MUC7: variants seen among roughly 807,000 people sequenced by gnomAD.
MUC7 encodes the protein mucin 7, secreted.
Under a neutral mutation model 2.5 loss-of-function variants are expected in MUC7, and 2 were observed. That is an observed-to-expected ratio of 0.81 (90% CI 0.33 to 2.55). The LOEUF is 2.55. MUC7 is among the 30% of genes most tolerant of loss of function. The pLI is 0.11. For synonymous variants in MUC7, 133 were observed against 173.4 expected (o/e 0.77, Z 1.83); for missense variants, 408 against 455.6 (o/e 0.90, Z 0.95).
chr4:70,482,858 A>G lies in MUC7; in HGVS notation c.*980A>G, dbSNP rs1735239738. 1 of 152,252 alleles carries G rather than the reference A, an allele frequency of 6.6e-6. No homozygotes were observed. Among genetic ancestry groups the G allele is most frequent in the African/African-American group, 2.4e-5 (1 of 41,464 alleles). The allele number at this position is 152,252 out of a possible 1,614,324, so 9.4% of individuals were successfully genotyped here. A position where few individuals can be genotyped will look rare whatever the true frequency, so the allele number is the denominator to read the frequency against. Reference sequence around the variant, plus strand: ...AAAACCCTGACTTTAGTTGTAAAACAATAAAAGTTAGCTACTTGGTATACG... The same window carrying G: ...AAAACCCTGACTTTAGTTGTAAAACGATAAAAGTTAGCTACTTGGTATACG... On this transcript the variant is annotated 3_prime_UTR_variant, in exon 3 of 3. Transcript: ENST00000304887.
chr4:70,467,879 A>C (rs1734720400), upstream of MUC7, among the ~76,000 whole-genome samples: 1 of 152,188 alleles, frequency 6.6e-6, no homozygotes, highest in Admixed American at 6.5e-5. Flanking sequence ...CAAACAATAG[A>C]AAAAAAGGGA....
chr4:70,434,425 A>T (rs573117858), intron 1 of MUC7, among the ~76,000 whole-genome samples: 12 of 152,264 alleles, frequency 7.9e-5, no homozygotes, highest in African/African-American at 2.9e-4. Context: ...CAGAGATTCA[A>T]CTTCTTCCTA....
At chr4:70,433,057 T>A (rs190962590) in intron 1 of MUC7, among the ~76,000 whole-genome samples, 1 of 152,320 alleles carries the variant, frequency 6.6e-6, no homozygotes, top group African/African-American at 2.4e-5. Context: ...TGGTATTATT[T>A]CTGAAGGCTC....
Position 70,480,947 on chromosome 4 carries a change from A to G in MUC7, c.203A>G (p.Lys68Arg), listed in dbSNP as rs748567183. Reference sequence around the variant, plus strand: ...AGAAAGTCCTATAAATGTCTGCACAAACGCTGTAGGCCTAAGCTTCCACCT... The same window carrying G: ...AGAAAGTCCTATAAATGTCTGCACAGACGCTGTAGGCCTAAGCTTCCACCT... ...FIRKSYKCLHKRCRPKLPPSP... is the reference protein window; with the variant it reads ...FIRKSYKCLHRRCRPKLPPSP... The change falls in exon 3 of 3, where the codon AAA becomes AGA. Residue 68 changes from lysine to arginine, a missense_variant. By Grantham distance (26) the Lys-to-Arg change is conservative. Transcript: ENST00000304887. 1.2e-6 allele frequency: 2 copies of G among 1,614,090 alleles called. No individual in the cohort carries two copies. Among genetic ancestry groups the G allele is most frequent in the Non-Finnish European group, 1.7e-6 (2 of 1,180,010 alleles).
intron 1 of MUC7, among the ~76,000 whole-genome samples, chr4:70,461,128 C>A (rs74489589): frequency 6.6e-6 from 1 of 152,312 alleles, no homozygotes; most frequent in East Asian, 1.9e-4. Context: ...CTTCTTTCTC[C>A]GTCTGCACCT....
chr4:70,440,376 A>G (rs946316021), intron 1 of MUC7, among the ~76,000 whole-genome samples: 5 of 152,172 alleles, frequency 3.3e-5, no homozygotes, highest in African/African-American at 1.2e-4. Context: ...CTCATTATCA[A>G]TGCTCAACTT....
At chr4:70,466,029 A>G (rs994833408) in intron 1 of MUC7, among the ~76,000 whole-genome samples, 1 of 152,246 alleles carries the variant, frequency 6.6e-6, no homozygotes, top group Non-Finnish European at 1.5e-5. Context: ...AGGGAAGCCC[A>G]TCAAACTAAC....
In MUC7 at chr4:70,480,823, C is replaced by T. The variant is rs1293554534; in HGVS notation, c.79C>T (p.His27Tyr). The change falls in exon 3 of 3, where the codon CAT becomes TAT. Residue 27 changes from histidine to tyrosine, a missense_variant. By Grantham distance (83) the His-to-Tyr change is moderately conservative (BLOSUM62 2). Around this residue, in one of 3 missense-constraint regions of MUC7, gnomAD observed 225 missense variants for 240.5 expected, o/e 0.94. Coordinates refer to ENST00000304887, the MANE Select transcript of MUC7 (RefSeq NM_152291.3). The stretch of plus-strand genomic sequence containing the variant: ...GTTCAGTGAAGGTCGAGAAAGGGAT[C>T]ATGAACTACGTCACAGAAGGCATCA... ...FSFSEGRERD[H>Y]ELRHRRHHHQ... 12 of 1,613,792 alleles carry T rather than the reference C, an allele frequency of 7.4e-6. No homozygotes were observed. Among genetic ancestry groups the T allele is most frequent in the Non-Finnish European group, 1.0e-5 (12 of 1,179,756 alleles).
At chr4:70,432,610 G>C (rs986609133) in intron 1 of MUC7, among the ~76,000 whole-genome samples, 1 of 152,066 alleles carries the variant, frequency 6.6e-6, no homozygotes, top group Non-Finnish European at 1.5e-5. Flanking sequence ...TTGTAAATTT[G>C]TTTAAGCTCT....
intron 1 of MUC7, among the ~76,000 whole-genome samples, chr4:70,473,161 A>G (rs1340604478): frequency 6.6e-6 from 1 of 152,200 alleles, no homozygotes; most frequent in East Asian, 1.9e-4. Flanking sequence ...TCGGCCAGAC[A>G]CGGTGGCTCA....
upstream of MUC7, among the ~76,000 whole-genome samples, chr4:70,469,163 T>A (rs1734763192): frequency 6.6e-6 from 1 of 152,180 alleles, no homozygotes; most frequent in Admixed American, 6.5e-5. Flanking sequence ...GCAAAAGGAT[T>A]CCCTATGTAA....
Position 70,481,943 on chromosome 4 carries a change from C to T in MUC7, c.*65C>T, listed in dbSNP as rs41456845. On this transcript the variant is annotated 3_prime_UTR_variant, in exon 3 of 3. Coordinates refer to ENST00000304887, the MANE Select transcript of MUC7 (RefSeq NM_152291.3). Reference sequence around the variant, plus strand: ...GTGATTCATGAGTGCAGAACTACCACCTTTCTTTTAGCACCAATCCCAACA... The same window carrying T: ...GTGATTCATGAGTGCAGAACTACCATCTTTCTTTTAGCACCAATCCCAACA... 3,552 of 1,531,962 alleles carry T rather than the reference C, an allele frequency of 2.3e-3. 81 individuals carry two copies. In the African/African-American group the frequency reaches 0.044, roughly 19 times the overall value. The allele number at this position is 1,531,962 out of a possible 1,614,324, so 94.9% of individuals were successfully genotyped here.
chr4:70,479,124 T>A (rs975955737), intron 2 of MUC7, among the ~76,000 whole-genome samples: 2 of 152,244 alleles, frequency 1.3e-5, no homozygotes, highest in African/African-American at 4.8e-5. Flanking sequence ...ATGTCTGGCA[T>A]TGAATAATTG....
chr4:70,477,674 A>C (rs1463508782), intron 2 of MUC7, among the ~76,000 whole-genome samples: 1 of 152,126 alleles, frequency 6.6e-6, no homozygotes, highest in Non-Finnish European at 1.5e-5. Context: ...TTGCAAATGG[A>C]GAAACATTCT....
rs187308363 is a variant in MUC7 at position 70,462,119 on chromosome 4, G to A, written c.-92-10096G>A. The stretch of plus-strand genomic sequence containing the variant: ...TCCCAGCTACTCAGGAAGCTGAGGC[G>A]GGAGGATCACTTGAGCCCAAAGGTC... On this transcript the variant is annotated intron_variant, in intron 1 of 3. Coordinates refer to the MUC7 transcript ENST00000413702. 1.0e-4 allele frequency among the ~76,000 whole-genome samples: 15 copies of A among 150,180 alleles called. No individual in the cohort carries two copies. In the East Asian group the frequency reaches 2.3e-3, roughly 23 times the overall value.
chr4:70,438,977 A>T (rs964081137), intron 1 of MUC7, among the ~76,000 whole-genome samples: 3 of 152,240 alleles, frequency 2.0e-5, no homozygotes, highest in African/African-American at 7.2e-5. Flanking sequence ...ACAGCATAGA[A>T]AAGAAAGAGA....
At chr4:70,476,426 T>C (rs772023720) in intron 2 of MUC7, among the ~76,000 whole-genome samples, 43 of 152,328 alleles carry the variant, frequency 2.8e-4, no homozygotes, top group Non-Finnish European at 5.7e-4. Context: ...AATCCTTTCT[T>C]CCAAGTGCTT....
intron 1 of MUC7, among the ~76,000 whole-genome samples, chr4:70,435,857 G>T (rs1030802681): frequency 3.3e-5 from 5 of 152,172 alleles, no homozygotes; most frequent in African/African-American, 1.2e-4. Flanking sequence ...TCCTCTCCAT[G>T]TTTAGTGCTT....
At chr4:70,441,208 A>G (rs1733996510) in intron 1 of MUC7, among the ~76,000 whole-genome samples, 1 of 152,304 alleles carries the variant, frequency 6.6e-6, no homozygotes, top group South Asian at 2.1e-4. Context: ...TTTTAATATT[A>G]CATATGTTGT....
Sources: allele counts gnomAD v4.1 joint callset (sites outside exome capture counted in the v4.1 genomes callset), GRCh38; gene constraint gnomAD v4.1.1; regional missense constraint gnomAD v4.1.1; transcripts MANE v1.5; gene names NCBI Gene and HGNC (gene_info 2026-07-23, HGNC 2026-07-21).